The following GRIA4 variants were observed in gnomAD, a reference collection of about 807,000 sequenced individuals.
GRIA4 encodes the protein glutamate ionotropic receptor AMPA type subunit 4.
In GRIA4, 34 loss-of-function variants were observed where a neutral mutation model predicts 104.0. The observed-to-expected ratio is 0.33, with a 90% CI of 0.25 to 0.44. GRIA4 has a LOEUF of 0.44. Among genes scored for constraint, GRIA4 ranks in the 20% least tolerant of loss-of-function variants. The pLI, the probability that GRIA4 is intolerant of heterozygous loss-of-function variation, is 1.00. For missense variants in GRIA4, 750 were observed against 1,096.5 expected (o/e 0.68, Z 4.46); for synonymous variants, 386 against 381.9 (o/e 1.01, Z -0.13).
chr11:105,766,261 T>C (rs1255530021), intron 4 of GRIA4, among the ~76,000 whole-genome samples: 1 of 152,182 alleles, frequency 6.6e-6, no homozygotes. Context: ...AAATGTGAAA[T>C]ATCAAACTAG....
intron 14 of GRIA4, among the ~76,000 whole-genome samples, chr11:105,936,774 T>C (rs150801270): frequency 1.3e-3 from 202 of 152,302 alleles, no homozygotes; most frequent in Middle Eastern, 3.4e-3. Flanking sequence ...TCTCAAACAG[T>C]AGATCTGTAA....
intron 13 of GRIA4, among the ~76,000 whole-genome samples, chr11:105,927,445 G>A (rs1947738802): frequency 6.6e-6 from 1 of 152,020 alleles, no homozygotes. Flanking sequence ...TTTCTCACAA[G>A]GTAATAACAG....
At chr11:105,815,076 G>A (rs1943323541) in intron 4 of GRIA4, among the ~76,000 whole-genome samples, 1 of 152,078 alleles carries the variant, frequency 6.6e-6, no homozygotes, top group African/African-American at 2.4e-5. Flanking sequence ...GTTGAGTCTA[G>A]GGCTACCACT....
Position 105,918,609 on chromosome 11 carries a change from T to C in GRIA4, c.1270-103T>C. 2 of 643,498 alleles carry C rather than the reference T, an allele frequency of 3.1e-6. 1 individual carries two copies. Among genetic ancestry groups the C allele is most frequent in the South Asian group, 3.7e-5 (2 of 53,828 alleles). The allele number at this position is 643,498 out of a possible 1,614,324, so 39.9% of individuals were successfully genotyped here. On this transcript the variant is annotated intron_variant, in intron 10 of 16. Transcript: ENST00000282499. ...TACACCAAATCAGTATGTGTACCAA[T>C]ACTAAATACAATCTTTTGTCAAATT...
chr11:105,953,853 T>C (rs908519227), intron 14 of GRIA4, among the ~76,000 whole-genome samples: 1 of 152,128 alleles, frequency 6.6e-6, no homozygotes. Flanking sequence ...CTAATACTTG[T>C]TAGGGAAAGA....
rs147941808 is a variant in GRIA4 at position 105,946,205 on chromosome 11, T to C, written c.2294+12236T>C. 3.6e-3 allele frequency among the ~76,000 whole-genome samples: 545 copies of C among 152,316 alleles called. 4 individuals carry two copies. The highest frequency in any genetic ancestry group is 0.013 in the African/African-American group (521 of 41,584). ...CTCTCACTTTTTGTGTTGTTGTCCATAGAAATCATTAGTATTTCCTGACTT... is the reference window on the plus strand; with the variant it reads ...CTCTCACTTTTTGTGTTGTTGTCCACAGAAATCATTAGTATTTCCTGACTT... On this transcript the variant is annotated intron_variant, in intron 14 of 16. Transcript: ENST00000282499.
chr11:105,938,188 T>C (rs766630654), intron 14 of GRIA4, among the ~76,000 whole-genome samples: 14 of 152,218 alleles, frequency 9.2e-5, no homozygotes, highest in Non-Finnish European at 1.3e-4. Flanking sequence ...TGCAAATTCA[T>C]GTGTGAAAAA....
intron 3 of GRIA4, among the ~76,000 whole-genome samples, chr11:105,715,432 T>G (rs1052643623): frequency 6.6e-6 from 1 of 152,176 alleles, no homozygotes; most frequent in South Asian, 2.1e-4. Context: ...TATGTTTCCC[T>G]TTTTGTTTTG....
intron 4 of GRIA4, among the ~76,000 whole-genome samples, chr11:105,796,617 T>C (rs901703104): frequency 6.6e-6 from 1 of 152,158 alleles, no homozygotes; most frequent in Admixed American, 6.6e-5. Context: ...AAGTAGACCA[T>C]AGGTAGTGAG....
At chr11:105,969,514 T>C (rs1040005436) in intron 14 of GRIA4, among the ~76,000 whole-genome samples, 1 of 152,128 alleles carries the variant, frequency 6.6e-6, no homozygotes, top group Non-Finnish European at 1.5e-5. Flanking sequence ...AAGAAGGCCA[T>C]AGGAGAAAAG....
intron 3 of GRIA4, among the ~76,000 whole-genome samples, chr11:105,650,488 C>T (rs890304460): frequency 6.6e-6 from 1 of 151,342 alleles, no homozygotes; most frequent in East Asian, 1.9e-4. Context: ...ATGTAACAAC[C>T]AAGAGTCTGA....
intron 3 of GRIA4, among the ~76,000 whole-genome samples, chr11:105,630,058 T>C (rs1486186989): frequency 6.6e-6 from 1 of 152,168 alleles, no homozygotes; most frequent in Non-Finnish European, 1.5e-5. Context: ...CTTGGCCATC[T>C]GGTCACTTTC....
intron 3 of GRIA4, among the ~76,000 whole-genome samples, chr11:105,676,836 T>C (rs1291190368): frequency 6.6e-6 from 1 of 151,784 alleles, no homozygotes; most frequent in Non-Finnish European, 1.5e-5. Flanking sequence ...TTCTTGTTAC[T>C]GAATTCAACA....
At chr11:105,730,354 A>C (rs757426967) in intron 3 of GRIA4, among the ~76,000 whole-genome samples, 25 of 152,214 alleles carry the variant, frequency 1.6e-4, no homozygotes, top group Non-Finnish European at 2.8e-4. Flanking sequence ...GAGAACTACA[A>C]ACCACTGCTC....
intron 3 of GRIA4, chr11:105,614,251 A>G (rs1950545982): frequency 6.6e-6 from 1 of 151,516 alleles, no homozygotes; most frequent in South Asian, 2.1e-4. Context: ...ATTTTGTTTC[A>G]TTTTTACAAA....
chr11:105,646,617 G>A (rs1232861623), intron 3 of GRIA4, among the ~76,000 whole-genome samples: 1 of 152,142 alleles, frequency 6.6e-6, no homozygotes, highest in African/African-American at 2.4e-5. Flanking sequence ...GAACAGAATA[G>A]AGAACTTAGA....
Position 105,766,195 on chromosome 11 carries a change from A to G in GRIA4, c.487+12975A>G, listed in dbSNP as rs1261664889. On this transcript the variant is annotated intron_variant, in intron 4 of 16. Coordinates refer to ENST00000282499, the MANE Select transcript of GRIA4 (RefSeq NM_000829.4). ...GGATAAATAGAACTCAAGCCTTTCT[A>G]TTTAAAGAATGGTATTTCCCATTTT... Among the ~76,000 whole-genome samples the G allele has an allele frequency of 4.6e-5, 7 of 152,260 alleles. No homozygotes were observed. The East Asian group carries it at 1.4e-3, about 29-fold the overall frequency.
chr11:105,919,409 T>C (rs1185033904), intron 11 of GRIA4, among the ~76,000 whole-genome samples: 1 of 152,176 alleles, frequency 6.6e-6, no homozygotes, highest in Non-Finnish European at 1.5e-5. Flanking sequence ...CTCTATTAAA[T>C]ATTCATCAAT....
At chr11:105,742,817 A>ACCT (rs1939397617) in intron 3 of GRIA4, among the ~76,000 whole-genome samples, 1 of 151,864 alleles carries the variant, frequency 6.6e-6, no homozygotes, top group African/African-American at 2.4e-5. Context: ...GTTCACAGCA[A>ACCT]CCTCCACCTC....
Sources: allele counts gnomAD v4.1 joint callset (sites outside exome capture counted in the v4.1 genomes callset), GRCh38; gene constraint gnomAD v4.1.1; transcripts MANE v1.5; gene names NCBI Gene and HGNC (gene_info 2026-07-23, HGNC 2026-07-21).